PTPRT: variants seen among roughly 807,000 people sequenced by gnomAD.
PTPRT encodes the protein protein tyrosine phosphatase receptor type T.
Under a neutral mutation model 176.8 loss-of-function variants are expected in PTPRT, and 56 were observed. The ratio of observed to expected loss-of-function variants is 0.32; its 90% CI spans 0.26 to 0.40. The LOEUF (loss-of-function observed/expected upper bound fraction) is 0.40, where lower values mean the gene tolerates loss of function less well. Ranked by LOEUF, PTPRT falls within the 10% of genes least tolerant of loss-of-function variation. PTPRT has a pLI of 1.00. For synonymous variants in PTPRT, 783 were observed against 739.0 expected (o/e 1.06, Z -0.96); for missense variants, 1,540 against 1,908.2 (o/e 0.81, Z 3.60).
intron 1 of PTPRT, among the ~76,000 whole-genome samples, chr20:43,153,008 T>A (rs1192452948): frequency 3.3e-5 from 5 of 152,218 alleles, no homozygotes; most frequent in Admixed American, 1.3e-4. Flanking sequence ...TATGCTGTTG[T>A]ATGCTAGCCA....
At chr20:42,556,335 C>G (rs996112153) in intron 7 of PTPRT, among the ~76,000 whole-genome samples, 1 of 152,122 alleles carries the variant, frequency 6.6e-6, no homozygotes, top group African/African-American at 2.4e-5. Context: ...TCACTAGAAC[C>G]CTGCAATTAG....
intron 17 of PTPRT, among the ~76,000 whole-genome samples, chr20:42,157,962 C>A (rs1309100478): frequency 6.6e-6 from 1 of 152,184 alleles, no homozygotes; most frequent in African/African-American, 2.4e-5. Flanking sequence ...CAGCTGAAAG[C>A]CTGCATCAGT....
rs1216275934 is a variant in PTPRT at position 42,617,133 on chromosome 20, G to A, written c.1153+60733C>T. 3.6e-5 allele frequency among the ~76,000 whole-genome samples: 5 copies of A among 137,288 alleles called. No individual in the cohort carries two copies. In the East Asian group the frequency reaches 7.8e-4, roughly 22 times the overall value. 90.1% of individuals were successfully genotyped at this position (137,288 alleles called of 152,430 possible). A position where few individuals can be genotyped will look rare whatever the true frequency, so the allele number is the denominator to read the frequency against. ...CTCCCATCAATACCTAATTTATTGA[G>A]AGTTTTTAGCATGAAGGGTTGTTGA... On this transcript the variant is annotated intron_variant, in intron 7 of 30. Transcript: ENST00000373187.
At chr20:42,784,647 C>T (rs208256) in intron 3 of PTPRT, among the ~76,000 whole-genome samples, 149 of 151,898 alleles carry the variant, frequency 9.8e-4, no homozygotes, top group African/African-American at 3.2e-3. Context: ...CACATAGCAC[C>T]GTTTTCCAGG....
intron 7 of PTPRT, among the ~76,000 whole-genome samples, chr20:42,544,972 G>T (rs949985766): frequency 1.3e-5 from 2 of 152,120 alleles, no homozygotes; most frequent in African/African-American, 4.8e-5. Context: ...GTCTTCTATG[G>T]CTGTACACTC....
At chr20:42,749,932 G>A (rs997942575) in intron 6 of PTPRT, among the ~76,000 whole-genome samples, 2 of 152,158 alleles carry the variant, frequency 1.3e-5, no homozygotes, top group African/African-American at 2.4e-5. Context: ...AAACAGGGAC[G>A]CTGAGGAGCC....
In PTPRT at chr20:42,962,742, T is replaced by C. The variant is rs562088656; in HGVS notation, c.89-76810A>G. ...ATGTACAGAAACACTACCACCACCATTTACCTCCTCCCTCTGCCAAATACT... is the reference window on the plus strand; with the variant it reads ...ATGTACAGAAACACTACCACCACCACTTACCTCCTCCCTCTGCCAAATACT... On this transcript the variant is annotated intron_variant, in intron 1 of 30. Coordinates refer to ENST00000373187, the MANE Select transcript of PTPRT (RefSeq NM_007050.6). 1.1e-4 allele frequency among the ~76,000 whole-genome samples: 17 copies of C among 152,258 alleles called. No homozygotes were observed. The South Asian group carries it at 3.5e-3, about 32-fold the overall frequency.
At chr20:42,528,900 G>C (rs1568952457) in intron 7 of PTPRT, among the ~76,000 whole-genome samples, 1 of 152,128 alleles carries the variant, frequency 6.6e-6, no homozygotes, top group Non-Finnish European at 1.5e-5. Flanking sequence ...TTAAGCCTTT[G>C]CTGCTAGAAA....
intron 9 of PTPRT, among the ~76,000 whole-genome samples, chr20:42,441,853 T>C (rs748597655): frequency 3.9e-5 from 6 of 152,242 alleles, no homozygotes; most frequent in Non-Finnish European, 7.3e-5. Flanking sequence ...TTATACTCAA[T>C]AGCGGCCTGC....
At chr20:42,349,197 C>T (rs1269554755) in intron 11 of PTPRT, among the ~76,000 whole-genome samples, 1 of 152,200 alleles carries the variant, frequency 6.6e-6, no homozygotes, top group East Asian at 1.9e-4. Context: ...ATGCATCTCT[C>T]TAGTAGCTGC....
chr20:43,033,940 C>T lies in PTPRT; in HGVS notation c.89-148008G>A, dbSNP rs149023561. Among the ~76,000 whole-genome samples, 24 of 152,322 alleles carry T rather than the reference C, an allele frequency of 1.6e-4. No homozygotes were observed. In the East Asian group the frequency reaches 1.9e-3, roughly 12 times the overall value. ...CACCCTGCTGCCTCTCACCGCACTA[C>T]GCCTTCACCTTCATAATCCCAATAT... On this transcript the variant is annotated intron_variant, in intron 1 of 30. Transcript: ENST00000373187.
intron 9 of PTPRT, among the ~76,000 whole-genome samples, chr20:42,359,258 C>T (rs369329527): frequency 1.2e-4 from 18 of 152,294 alleles, no homozygotes; most frequent in East Asian, 5.8e-4. Context: ...ACCGGGGTCC[C>T]TTTGGAGGGT....
intron 1 of PTPRT, among the ~76,000 whole-genome samples, chr20:43,136,151 G>A (rs2013825193): frequency 6.6e-6 from 1 of 152,148 alleles, no homozygotes; most frequent in Non-Finnish European, 1.5e-5. Flanking sequence ...CTGCAGCCCG[G>A]CTTTAGCACA....
At chr20:42,132,067 A>T (rs1988149764) in intron 18 of PTPRT, among the ~76,000 whole-genome samples, 1 of 152,206 alleles carries the variant, frequency 6.6e-6, no homozygotes, top group African/African-American at 2.4e-5. Flanking sequence ...GACTCAAGGA[A>T]TCATGCTGGG....
At chr20:42,994,519 C>A (rs1013198243) in intron 1 of PTPRT, among the ~76,000 whole-genome samples, 52 of 151,600 alleles carry the variant, frequency 3.4e-4, no homozygotes, top group African/African-American at 1.2e-3. Context: ...TAGAACAATA[C>A]AATTTTTTGT....
At chr20:42,930,750 A>G (rs113202561) in intron 1 of PTPRT, among the ~76,000 whole-genome samples, 1 of 151,946 alleles carries the variant, frequency 6.6e-6, no homozygotes, top group African/African-American at 2.4e-5. Flanking sequence ...AAAGTGCTGG[A>G]ATTACAGGCA....
At chr20:42,835,207 A>G (rs2078160467) in intron 2 of PTPRT, among the ~76,000 whole-genome samples, 1 of 152,238 alleles carries the variant, frequency 6.6e-6, no homozygotes, top group Non-Finnish European at 1.5e-5. Context: ...TGAAACCAAT[A>G]GATATTCTGA....
At chr20:42,917,533 A>G (rs934312834) in intron 1 of PTPRT, among the ~76,000 whole-genome samples, 1 of 152,168 alleles carries the variant, frequency 6.6e-6, no homozygotes, top group Non-Finnish European at 1.5e-5. Flanking sequence ...ATGGCATTGA[A>G]TCTATAAATT....
chr20:42,184,562 T>C (rs11904857), intron 16 of PTPRT, among the ~76,000 whole-genome samples: 3 of 124,160 alleles, frequency 2.4e-5, no homozygotes, highest in African/African-American at 1.0e-4. Context: ...CTTCTTCTTA[T>C]TCTTCTTCTT....
Sources: allele counts gnomAD v4.1 joint callset (sites outside exome capture counted in the v4.1 genomes callset), GRCh38; gene constraint gnomAD v4.1.1; transcripts MANE v1.5; gene names NCBI Gene and HGNC (gene_info 2026-07-23, HGNC 2026-07-21).